Variants in STPG2 observed in about 807,000 individuals in gnomAD.
STPG2 encodes the protein sperm-tail PG-rich repeat-containing protein 2.
A neutral mutation model predicts 54.2 loss-of-function variants in STPG2; 56 were observed. The observed-to-expected ratio is 1.03, with a 90% CI of 0.83 to 1.29. The LOEUF is 1.29. STPG2 is among the 50% of genes most tolerant of loss of function. The probability of loss-of-function intolerance (pLI) is 0.00; values close to 1 mark genes in which losing one functional copy is unlikely to be tolerated. For synonymous variants in STPG2, 200 were observed against 181.8 expected (o/e 1.10, Z -0.81); for missense variants, 596 against 544.9 (o/e 1.09, Z -0.93).
intron 8 of STPG2, among the ~76,000 whole-genome samples, chr4:97,905,788 A>T (rs1228467947): frequency 1.3e-5 from 2 of 152,190 alleles, no homozygotes; most frequent in African/African-American, 2.4e-5. Context: ...AAAATAAAAA[A>T]AGGCAGGAGT....
At chr4:97,512,320 G>A (rs1227862935) in intron 4 of STPG2, among the ~76,000 whole-genome samples, 1 of 152,072 alleles carries the variant, frequency 6.6e-6, no homozygotes, top group African/African-American at 2.4e-5. Flanking sequence ...ACTAAGATAG[G>A]AAAGGTAGGC....
At chr4:97,622,065 T>G (rs879072264) in intron 10 of STPG2, among the ~76,000 whole-genome samples, 6 of 152,074 alleles carry the variant, frequency 3.9e-5, no homozygotes, top group Non-Finnish European at 8.8e-5. Flanking sequence ...ACAGTTACAA[T>G]AGAATTCAAT....
intron 9 of STPG2, among the ~76,000 whole-genome samples, chr4:97,835,344 C>T (rs568799044): frequency 6.6e-6 from 1 of 152,210 alleles, no homozygotes; most frequent in Non-Finnish European, 1.5e-5. Context: ...CCAGAAAACG[C>T]ATGAATAATC....
chr4:97,912,764 T>C (rs1294243647), intron 8 of STPG2, among the ~76,000 whole-genome samples: 1 of 152,226 alleles, frequency 6.6e-6, no homozygotes, highest in East Asian at 1.9e-4. Flanking sequence ...TTGGAAAGCA[T>C]ACTGCAGGAT....
chr4:98,072,849 C>T (rs1168881373), intron 5 of STPG2, among the ~76,000 whole-genome samples: 1 of 152,204 alleles, frequency 6.6e-6, no homozygotes, highest in African/African-American at 2.4e-5. Context: ...GCTCTAAACA[C>T]ACTACTACTT....
intron 3 of STPG2, among the ~76,000 whole-genome samples, chr4:98,127,687 T>G (rs1739868275): frequency 6.6e-6 from 1 of 152,186 alleles, no homozygotes; most frequent in Non-Finnish European, 1.5e-5. Context: ...CCATCTATCT[T>G]CATTGTCTGT....
intron 10 of STPG2, among the ~76,000 whole-genome samples, chr4:97,590,241 G>A (rs1223271744): frequency 6.6e-6 from 1 of 152,050 alleles, no homozygotes; most frequent in African/African-American, 2.4e-5. Context: ...CTACCCCCAA[G>A]AGTCCAAGGA....
At chr4:98,070,398 A>G (rs1399828317) in intron 5 of STPG2, among the ~76,000 whole-genome samples, 1 of 152,050 alleles carries the variant, frequency 6.6e-6, no homozygotes, top group Non-Finnish European at 1.5e-5. Flanking sequence ...TGACAAACCC[A>G]TAGCAAATAT....
intron 8 of STPG2, among the ~76,000 whole-genome samples, chr4:97,845,187 T>C (rs1198291888): frequency 1.3e-5 from 2 of 151,968 alleles, no homozygotes; most frequent in African/African-American, 2.4e-5. Context: ...CATTTTAAGA[T>C]AAGATAGCAA....
At chr4:98,013,306 T>C (rs1479489435) in intron 5 of STPG2, among the ~76,000 whole-genome samples, 1 of 151,646 alleles carries the variant, frequency 6.6e-6, no homozygotes, top group Admixed American at 6.6e-5. Context: ...GGAACCTACT[T>C]GTGGTGGATA....
chr4:97,452,001 CAGG>C (rs1194679685), intron 4 of STPG2, among the ~76,000 whole-genome samples: 1 of 151,630 alleles, frequency 6.6e-6, no homozygotes, highest in Non-Finnish European at 1.5e-5. Context: ...TGGGGACAAG[CAGG>C]AGTTCTACCC....
At chr4:98,100,778 T>C (rs1280060039) in intron 5 of STPG2, among the ~76,000 whole-genome samples, 1 of 150,638 alleles carries the variant, frequency 6.6e-6, no homozygotes, top group Non-Finnish European at 1.5e-5. Flanking sequence ...CAGGTTCCAG[T>C]GATTCTCGTG....
chr4:97,685,768 A>G (rs1014903249), intron 10 of STPG2, among the ~76,000 whole-genome samples: 5 of 152,188 alleles, frequency 3.3e-5, no homozygotes, highest in African/African-American at 1.2e-4. Flanking sequence ...CAAGAATTTA[A>G]TAACAGCAGA....
At chr4:97,943,231 A>G (rs1402040032) in intron 8 of STPG2, among the ~76,000 whole-genome samples, 1 of 152,102 alleles carries the variant, frequency 6.6e-6, no homozygotes, top group Non-Finnish European at 1.5e-5. Flanking sequence ...GCCACCTCCT[A>G]ATACCATCAC....
intron 9 of STPG2, among the ~76,000 whole-genome samples, chr4:97,747,125 A>G (rs1725441733): frequency 6.6e-6 from 1 of 151,300 alleles, no homozygotes. Flanking sequence ...TGGAAAAGAG[A>G]GTATTTAGCT....
intron 9 of STPG2, among the ~76,000 whole-genome samples, chr4:97,832,054 G>C (rs1030303122): frequency 6.6e-6 from 1 of 152,140 alleles, no homozygotes; most frequent in East Asian, 1.9e-4. Flanking sequence ...AAACATGGCA[G>C]AGACACAACA....
chr4:97,564,335 G>A (rs1255232091), intron 10 of STPG2, among the ~76,000 whole-genome samples: 30 of 152,174 alleles, frequency 2.0e-4, no homozygotes, highest in Non-Finnish European at 4.1e-4. Flanking sequence ...GTCTCTGCAT[G>A]TGAGATGGGT....
In STPG2 at chr4:97,478,267, C is replaced by A. The variant is rs1271181060; in HGVS notation, c.462+234432G>T. Reference sequence around the variant, plus strand: ...CAAGTAGTATGGAGAATCACAAGTACTTTTATTAAGCTAAAATTATAAATA... The same window carrying A: ...CAAGTAGTATGGAGAATCACAAGTAATTTTATTAAGCTAAAATTATAAATA... On this transcript the variant is annotated intron_variant, in intron 4 of 4. Coordinates refer to the STPG2 transcript ENST00000522676. Among the ~76,000 whole-genome samples the A allele has an allele frequency of 2.0e-5, 3 of 152,184 alleles. No homozygotes were observed. The South Asian group carries it at 6.2e-4, about 32-fold the overall frequency.
At chr4:97,777,509 A>G (rs1726417918) in intron 9 of STPG2, among the ~76,000 whole-genome samples, 1 of 152,196 alleles carries the variant, frequency 6.6e-6, no homozygotes, top group Non-Finnish European at 1.5e-5. Flanking sequence ...TTTCTGGACC[A>G]CCACAAGATT....
Sources: gnomAD v4.1 joint callset for allele counts (sites outside exome capture counted in the v4.1 genomes callset) on GRCh38, gnomAD v4.1.1 for gene constraint, MANE v1.5 for transcripts, NCBI Gene and HGNC (gene_info 2026-07-23, HGNC 2026-07-21) for gene names.